PINK1: variants seen among roughly 807,000 people sequenced by gnomAD.
The protein encoded by PINK1 is serine/threonine-protein kinase PINK1, mitochondrial.
A neutral mutation model predicts 56.0 loss-of-function variants in PINK1; 58 were observed. That is an observed-to-expected ratio of 1.04 (90% CI 0.84 to 1.29). The LOEUF (loss-of-function observed/expected upper bound fraction) is 1.29, where lower values mean the gene tolerates loss of function less well. PINK1 is among the 50% of genes most tolerant of loss of function. PINK1 has a pLI of 0.00. For synonymous variants in PINK1, 354 were observed against 339.3 expected, an observed-to-expected ratio of 1.04 and a Z score of -0.48; for missense variants, 745 against 777.9, an observed-to-expected ratio of 0.96 and a Z score of 0.50.
Position 20,650,750 on chromosome 1 carries a change from GGTCT to G in PINK1, c.*62_*65del. ...AACATGGCATCCTCTGTGTCGTGAT[GGTCT>G]GTGAATGGTGAGGGTGGGAGTCAGG... On this transcript the variant is annotated 3_prime_UTR_variant, in exon 8 of 8. Coordinates refer to ENST00000321556, the MANE Select transcript of PINK1 (RefSeq NM_032409.3). 6.3e-7 allele frequency: 1 copy of G among 1,585,280 alleles called. No individual in the cohort carries two copies. The highest frequency in any genetic ancestry group is 2.3e-5 in the East Asian group (1 of 44,064).
chr1:20,635,229 A>G (rs1339884643), intron 1 of PINK1, among the ~76,000 whole-genome samples: 1 of 152,216 alleles, frequency 6.6e-6, no homozygotes, highest in East Asian at 1.9e-4. Flanking sequence ...TTGGTCAGGC[A>G]CTGTGGCTCA....
At chr1:20,647,062 T>TTTTTTC (rs1219894077) in intron 5 of PINK1, among the ~76,000 whole-genome samples, 4 of 136,170 alleles carry the variant, frequency 2.9e-5, no homozygotes, top group Non-Finnish European at 6.2e-5. Context: ...GATTTTTTTT[T>TTTTTTC]TTTTTTTTTT....
intron 5 of PINK1, among the ~76,000 whole-genome samples, chr1:20,646,878 A>C (rs1365414333): frequency 1.3e-5 from 2 of 150,594 alleles, no homozygotes; most frequent in African/African-American, 2.4e-5. Flanking sequence ...TTATTTACTT[A>C]TTTATTTATT....
At chr1:20,645,764 A>G (rs2154533873) in intron 5 of PINK1, 41 bp downstream of exon 5, 5 of 1,613,364 alleles carry the variant, frequency 3.1e-6, no homozygotes, top group South Asian at 2.2e-5. Flanking sequence ...CAGGGGCACT[A>G]GAGGGTGGGT....
rs962124411 is a variant in PINK1 at position 20,644,533 on chromosome 1, A to G, written c.820A>G (p.Ile274Val). The change falls in exon 4 of 8, where the codon ATC (isoleucine) becomes GTC (valine). Residue 274 changes from isoleucine to valine, a missense_variant. Transcript: ENST00000321556. ...CAAGCAACTAGCCCCTCACCCCAAC[A>G]TCATCCGGGTTCTCCGCGCCTTCAC... is the stretch of plus-strand genomic sequence containing the variant. Reference protein sequence around the residue: ...GPKQLAPHPNIIRVLRAFTSS... With the variant: ...GPKQLAPHPNVIRVLRAFTSS... 1 of 1,614,200 alleles carries G rather than the reference A, an allele frequency of 6.2e-7. No individual in the cohort carries two copies. The highest frequency in any genetic ancestry group is 8.5e-7 in the Non-Finnish European group (1 of 1,180,020).
chr1:20,649,568 C>T (rs969403851), intron 7 of PINK1: 16 of 306,632 alleles, frequency 5.2e-5, no homozygotes, highest in Non-Finnish European at 1.0e-4. Context: ...AGTTCCAGTC[C>T]AGCCTGGCCA....
intron 1 of PINK1, among the ~76,000 whole-genome samples, chr1:20,635,308 C>T (rs2053045265): frequency 6.6e-6 from 1 of 151,626 alleles, no homozygotes; most frequent in African/African-American, 2.4e-5. Flanking sequence ...TGAGACCAGC[C>T]TGGCCAACAT....
In PINK1 at chr1:20,641,806, G is replaced by A. The variant is rs2053118198; in HGVS notation, c.776+1814G>A. 6.6e-6 allele frequency among the ~76,000 whole-genome samples: 1 copy of A among 152,098 alleles called. No individual in the cohort carries two copies. Among genetic ancestry groups the A allele is most frequent in the Non-Finnish European group, 1.5e-5 (1 of 68,016 alleles). ...GCTTCATAGCTCCTTCCCCGAATGT[G>A]CCAGGCTTCTCTGTGACCATCTCTT... On this transcript the variant is annotated intron_variant, in intron 3 of 7. Coordinates refer to ENST00000321556, the MANE Select transcript of PINK1 (RefSeq NM_032409.3). This position sits in a 1 kb window ranked among gnomAD's most constrained non-coding sequence, Gnocchi z 4.0.
intron 3 of PINK1, among the ~76,000 whole-genome samples, chr1:20,644,231 G>A (rs1257106313): frequency 6.6e-6 from 1 of 152,170 alleles, no homozygotes; most frequent in East Asian, 1.9e-4. Flanking sequence ...CTGCCACATG[G>A]GATGGATAGG....
chr1:20,647,207 C>T (rs981856060), intron 5 of PINK1, among the ~76,000 whole-genome samples: 8 of 151,940 alleles, frequency 5.3e-5, no homozygotes, highest in Non-Finnish European at 1.0e-4. Flanking sequence ...CAGGCGCCCA[C>T]CACCACGCCC....
intron 5 of PINK1, 111 bp from the exon 6 acceptor site, chr1:20,648,394 C>A: frequency 6.6e-7 from 1 of 1,506,082 alleles, no homozygotes; most frequent in East Asian, 2.4e-5. Context: ...CAACACTGAG[C>A]CATTAGCCCC....
At chr1:20,648,224 C>G in intron 5 of PINK1, 1 of 475,974 alleles carries the variant, frequency 2.1e-6, no homozygotes, top group South Asian at 2.1e-5. Context: ...GCTCTAGCTC[C>G]TTTGGTCTTG....
chr1:20,650,608 A>C lies in PINK1; in HGVS notation c.1663A>C (p.Lys555Gln). ...TEKCCVETKM[K>Q]MLFLANLECE... is the part of the protein sequence containing the mutation. ...GAAGTGTTGTGTGGAAACAAAAATG[A>C]AGATGCTCTTTCTGGCTAACCTGGA... is the stretch of plus-strand genomic sequence containing the variant. Residue 555 changes from lysine (K) to glutamine (Q), a missense_variant, in exon 8 of 8, where the codon AAG (lysine) becomes CAG (glutamine). Physicochemically the swap from Lys to Gln is moderately conservative, Grantham distance 53. Transcript: ENST00000321556. 1 of 1,614,202 alleles carries C rather than the reference A, an allele frequency of 6.2e-7. No homozygotes were observed. The highest frequency in any genetic ancestry group is 1.1e-5 in the South Asian group (1 of 91,078).
chr1:20,639,896 G>T lies in PINK1; in HGVS notation c.680G>T (p.Gly227Val), dbSNP rs138018628. The change falls in exon 3 of 8, where the codon GGT (glycine) becomes GTT (valine). Residue 227 changes from glycine (G) to valine (V), a missense_variant. By Grantham distance (109) the Gly-to-Val change is moderately radical. Coordinates refer to ENST00000321556, the MANE Select transcript of PINK1 (RefSeq NM_032409.3). ...AIKMMWNISA[G>V]SSSEAILNTM... The stretch of plus-strand genomic sequence containing the variant: ...GGTTCCTTGTGGGTGTTCCAGGCAG[G>T]TTCCTCCAGCGAAGCCATCTTGAAC... The T allele has an allele frequency of 7.4e-6, 12 of 1,612,034 alleles. No individual in the cohort carries two copies. Among genetic ancestry groups the T allele is most frequent in the East Asian group, 2.2e-5 (1 of 44,840 alleles).
intron 2 of PINK1, chr1:20,638,706 G>A: frequency 5.7e-6 from 1 of 175,082 alleles, no homozygotes. Context: ...CAGGGATGGG[G>A]CCTAAGATTG....
chr1:20,649,108 C>T lies in PINK1; in HGVS notation c.1365C>T (p.Gly455=), dbSNP rs369112191. 1 of 1,614,242 alleles carries T rather than the reference C, an allele frequency of 6.2e-7. No homozygotes were observed. Among genetic ancestry groups the T allele is most frequent in the South Asian group, 1.1e-5 (1 of 91,082 alleles). The change falls in exon 7 of 8, where the codon GGC becomes GGT. Residue 455 remains glycine (G), a synonymous_variant. Transcript: ENST00000321556. ...EIFGLVNPFY[G]QGKAHLESRS... is the part of the protein sequence containing the mutation. ...TCGGGCTTGTCAATCCCTTCTACGG[C>T]CAGGGCAAGGCCCACCTTGAAAGCC...
In PINK1 at chr1:20,633,788, GTT is replaced by G; in HGVS notation, c.241_242del (p.Leu81AlafsTer60). 1 of 1,572,552 alleles carries G rather than the reference GTT, an allele frequency of 6.4e-7. No individual in the cohort carries two copies. Among genetic ancestry groups the G allele is most frequent in the Non-Finnish European group, 8.6e-7 (1 of 1,164,766 alleles). On this transcript the variant is annotated frameshift_variant, in exon 1 of 8. Coordinates refer to ENST00000321556, the MANE Select transcript of PINK1 (RefSeq NM_032409.3). LOFTEE classifies it high-confidence loss of function. ...AGTCGGTGGCCGGGCTGGCGGCGCG[GTT>G]GCAGCGGCAGTTCGTGGTGCGGGCC... is the stretch of plus-strand genomic sequence containing the variant. ...RQSVAGLAAR[L>X]QRQFVVRAWG...
In PINK1 at chr1:20,633,518, G is replaced by A. The variant is rs1481056793; in HGVS notation, c.-31G>A. ...GGACGCCGGTGGTGGCGGCAGCGGC[G>A]GCTGCGGGGGCACCGGGCCGCGGCG... On this transcript the variant is annotated 5_prime_UTR_variant, in exon 1 of 8. Transcript: ENST00000321556. 1.8e-6 allele frequency: 2 copies of A among 1,130,276 alleles called. No individual in the cohort carries two copies. The highest frequency in any genetic ancestry group is 1.6e-5 in the African/African-American group (1 of 60,756). 70.0% of individuals were successfully genotyped at this position (1,130,276 alleles called of 1,614,324 possible).
rs1557566798 is a variant in PINK1, at chr1:20,648,989, G to A, written c.1252-6G>A. On this transcript the variant is annotated splice_region_variant and splice_polypyrimidine_tract_variant and intron_variant, in intron 6 of 7. Transcript: ENST00000321556. ...GCGTGATGTCTCACCCACTGCTTCT[G>A]AGCAGGTGTCCACGGCCCGTCCTGG... is the stretch of plus-strand genomic sequence containing the variant. 1.9e-6 allele frequency: 3 copies of A among 1,612,762 alleles called. No individual in the cohort carries two copies. The highest frequency in any genetic ancestry group is 2.2e-5 in the East Asian group (1 of 44,890).
Sources: gnomAD v4.1 joint callset for allele counts (sites outside exome capture counted in the v4.1 genomes callset) on GRCh38, gnomAD v4.1.1 for gene constraint, Gnocchi (gnomAD v3.1) non-coding constraint, MANE v1.5 for transcripts, NCBI Gene and HGNC (gene_info 2026-07-23, HGNC 2026-07-21) for gene names.